The following RNF187 variants were observed in gnomAD, a reference collection of about 807,000 sequenced individuals.
RNF187 encodes ring finger protein 187, also known as E3 ubiquitin-protein ligase RNF187.
A neutral mutation model predicts 22.2 loss-of-function variants in RNF187; 18 were observed. The observed-to-expected ratio is 0.81, with a 90% confidence interval of 0.56 to 1.20. The LOEUF (loss-of-function observed/expected upper bound fraction) is 1.20, where lower values mean the gene tolerates loss of function less well. Ranked by LOEUF, RNF187 falls within the 50% of genes most tolerant of loss-of-function variation. RNF187 has a pLI of 0.00. For synonymous variants in RNF187, 164 were observed against 140.9 expected, an observed-to-expected ratio of 1.16 and a Z score of -1.16; for missense variants, 329 against 317.6, an observed-to-expected ratio of 1.04 and a Z score of -0.27.
In RNF187 at chr1:228,493,922, G is replaced by T; in HGVS notation, c.*37G>T. The T allele has an allele frequency of 1.3e-6, 2 of 1,551,756 alleles. No homozygotes were observed. The highest frequency in any genetic ancestry group is 2.4e-5 in the East Asian group (1 of 40,924). On this transcript the variant is annotated 3_prime_UTR_variant, in exon 4 of 4. Coordinates refer to ENST00000305943, the MANE Select transcript of RNF187 (RefSeq NM_001010858.3). The surrounding 1 kb of genome is among the most constrained non-coding windows in gnomAD (Gnocchi z 4.7). Reference sequence around the variant, plus strand: ...CGTGGCAGTCCCAGAGCTGGAGGCAGGAGGATGGATCCTCATCTCCATGGG... The same window carrying T: ...CGTGGCAGTCCCAGAGCTGGAGGCATGAGGATGGATCCTCATCTCCATGGG...
In RNF187 at chr1:228,493,825, C is replaced by T; in HGVS notation, c.706-58C>T. On this transcript the variant is annotated intron_variant, in intron 3 of 3. Coordinates refer to ENST00000305943, the MANE Select transcript of RNF187 (RefSeq NM_001010858.3). This position sits in a 1 kb window ranked among gnomAD's most constrained non-coding sequence, Gnocchi z 4.7. The stretch of plus-strand genomic sequence containing the variant: ...TCTCTCCTTTTGCCTCTGTCTCTGA[C>T]TCTGTGTGTCTCTTTCTCTTTTTGT... The T allele has an allele frequency of 1.3e-6, 2 of 1,529,106 alleles. No individual in the cohort carries two copies. Among genetic ancestry groups the T allele is most frequent in the East Asian group, 2.5e-5 (1 of 40,778 alleles). 94.7% of individuals were successfully genotyped at this position (1,529,106 alleles called of 1,614,324 possible).
intron 2 of RNF187, among the ~76,000 whole-genome samples, chr1:228,492,620 T>A: frequency 1.7e-5 from 1 of 59,862 alleles, no homozygotes; most frequent in Non-Finnish European, 2.8e-5. Context: ...GTGCCTGGCT[T>A]TTTTTTTTTT....
In RNF187 at chr1:228,494,832, C is replaced by G; in HGVS notation, c.*947C>G. 1.0e-6 allele frequency: 1 copy of G among 985,476 alleles called. No individual in the cohort carries two copies. 61.0% of individuals were successfully genotyped at this position (985,476 alleles called of 1,614,324 possible). A position where few individuals can be genotyped will look rare whatever the true frequency, so the allele number is the denominator to read the frequency against. ...GACAGTTGTTGAGATTTGGGGATAGCCGGGCTTGTGAGCGGTGCCCATTTC... is the reference window on the plus strand; with the variant it reads ...GACAGTTGTTGAGATTTGGGGATAGGCGGGCTTGTGAGCGGTGCCCATTTC... On this transcript the variant is annotated 3_prime_UTR_variant, in exon 4 of 4. Transcript: ENST00000305943.
rs1311906945 is a variant in RNF187, at chr1:228,493,202, C to T, written c.633C>T (p.Phe211=). Residue 211 remains phenylalanine, a synonymous_variant, in exon 3 of 4, where the codon TTC becomes TTT. Transcript: ENST00000305943. This position sits in a 1 kb window ranked among gnomAD's most constrained non-coding sequence, Gnocchi z 4.7. Reference sequence around the variant, plus strand: ...AGCTGGCTGACCCCACTGAGCGGTTCAGGTCACTGCTGCAGGCGGTCTCGG... The same window carrying T: ...AGCTGGCTGACCCCACTGAGCGGTTTAGGTCACTGCTGCAGGCGGTCTCGG... The T allele has an allele frequency of 6.4e-7, 1 of 1,551,674 alleles. No individual in the cohort carries two copies. Among genetic ancestry groups the T allele is most frequent in the African/African-American group, 1.4e-5 (1 of 73,180 alleles).
Position 228,493,356 on chromosome 1 carries a change from G to A in RNF187, c.705+82G>A. On this transcript the variant is annotated intron_variant, in intron 3 of 3. Coordinates refer to ENST00000305943, the MANE Select transcript of RNF187 (RefSeq NM_001010858.3). This position sits in a 1 kb window ranked among gnomAD's most constrained non-coding sequence, Gnocchi z 4.7. ...GCGAGCCATTGGGGGACCATTGCCC[G>A]AAGTCAAGGCTTAAAAGCCCAGCCT... The A allele has an allele frequency of 3.4e-6, 5 of 1,484,292 alleles. No individual in the cohort carries two copies. Among genetic ancestry groups the A allele is most frequent in the East Asian group, 5.0e-5 (2 of 40,190 alleles). The allele number at this position is 1,484,292 out of a possible 1,614,324, so 91.9% of individuals were successfully genotyped here. A position where few individuals can be genotyped will look rare whatever the true frequency, so the allele number is the denominator to read the frequency against.
Position 228,494,754 on chromosome 1 carries a change from C to G in RNF187, c.*869C>G. On this transcript the variant is annotated 3_prime_UTR_variant, in exon 4 of 4. Transcript: ENST00000305943. ...CATCCTTGTGTGTAGATAAATTAGT[C>G]GACAGAAACTCAGCACTGGGGACAG... 2.0e-6 allele frequency: 2 copies of G among 984,946 alleles called. No homozygotes were observed. The highest frequency in any genetic ancestry group is 3.5e-5 in the African/African-American group (2 of 57,050). 61.0% of individuals were successfully genotyped at this position (984,946 alleles called of 1,614,324 possible). A position where few individuals can be genotyped will look rare whatever the true frequency, so the allele number is the denominator to read the frequency against.
In RNF187 at chr1:228,493,063, T is replaced by TGGACC; in HGVS notation, c.496_500dup (p.Arg168ThrfsTer7). 1 of 1,547,854 alleles carries TGGACC rather than the reference T, an allele frequency of 6.5e-7. No homozygotes were observed. Among genetic ancestry groups the TGGACC allele is most frequent in the Non-Finnish European group, 8.7e-7 (1 of 1,144,300 alleles). On this transcript the variant is annotated frameshift_variant, in exon 3 of 4. Transcript: ENST00000305943. LOFTEE classifies it high-confidence loss of function. The surrounding 1 kb of genome is among the most constrained non-coding windows in gnomAD (Gnocchi z 4.7). ...GCCACCCGTTTGCAGGGACACGTGA[T>TGGACC]GGACCGTAGGAAGAAGGCACTGACC...
intron 2 of RNF187, among the ~76,000 whole-genome samples, chr1:228,491,986 C>T: frequency 6.6e-6 from 1 of 152,206 alleles, no homozygotes; most frequent in South Asian, 2.1e-4. Flanking sequence ...ATGGGGAGGG[C>T]GTCTTTCACT....
chr1:228,492,422 A>G, intron 2 of RNF187, among the ~76,000 whole-genome samples: 6 of 151,386 alleles, frequency 4.0e-5, no homozygotes, highest in African/African-American at 1.2e-4. Flanking sequence ...CCCAGGTTCA[A>G]GCGATTCTCC....
At position 228,493,368 on chromosome 1, in the gene RNF187, T is replaced by C; in HGVS notation, c.705+94T>C. 1.4e-6 allele frequency: 2 copies of C among 1,473,196 alleles called. No individual in the cohort carries two copies. The highest frequency in any genetic ancestry group is 5.0e-5 in the East Asian group (2 of 40,130). 91.3% of individuals were successfully genotyped at this position (1,473,196 alleles called of 1,614,324 possible). On this transcript the variant is annotated intron_variant, in intron 3 of 3. Transcript: ENST00000305943. This position sits in a 1 kb window ranked among gnomAD's most constrained non-coding sequence, Gnocchi z 4.7. Reference sequence around the variant, plus strand: ...GGGACCATTGCCCGAAGTCAAGGCTTAAAAGCCCAGCCTGACTCCCACTGC... The same window carrying C: ...GGGACCATTGCCCGAAGTCAAGGCTCAAAAGCCCAGCCTGACTCCCACTGC...
At chr1:228,491,518 G>A in intron 2 of RNF187, among the ~76,000 whole-genome samples, 1 of 150,792 alleles carries the variant, frequency 6.6e-6, no homozygotes, top group Non-Finnish European at 1.5e-5. Flanking sequence ...TTGCCTCACT[G>A]CATCCTCCAC....
chr1:228,495,057 A>G lies in RNF187; in HGVS notation c.*1172A>G. Reference sequence around the variant, plus strand: ...GTGTCAAAGGAAACTTCCTCGTGACACGTGCTAAAGCATGGTGAGGAGGAC... The same window carrying G: ...GTGTCAAAGGAAACTTCCTCGTGACGCGTGCTAAAGCATGGTGAGGAGGAC... On this transcript the variant is annotated 3_prime_UTR_variant, in exon 4 of 4. Coordinates refer to ENST00000305943, the MANE Select transcript of RNF187 (RefSeq NM_001010858.3). The G allele has an allele frequency of 1.0e-6, 1 of 982,738 alleles. No individual in the cohort carries two copies. The highest frequency in any genetic ancestry group is 5.2e-4 in the Middle Eastern group (1 of 1,912). The allele number at this position is 982,738 out of a possible 1,614,324, so 60.9% of individuals were successfully genotyped here.
At position 228,489,063 on chromosome 1, in the gene RNF187, G is replaced by A; in HGVS notation, c.483+11G>A. ...GCTGCAGTGTGGAAGGCAAGTGGGG[G>A]GACCTGGGGCAGCCTGGAATGAGGG... On this transcript the variant is annotated intron_variant, in intron 2 of 3. Transcript: ENST00000305943. The A allele has an allele frequency of 6.5e-7, 1 of 1,543,246 alleles. No individual in the cohort carries two copies. The highest frequency in any genetic ancestry group is 8.7e-7 in the Non-Finnish European group (1 of 1,145,342).
chr1:228,487,946 C>A, intron 1 of RNF187, 68 bp downstream of exon 1: 4 of 960,090 alleles, frequency 4.2e-6, no homozygotes, highest in Non-Finnish European at 5.1e-6. Flanking sequence ...CCGCCCCGGT[C>A]CCCCTGAGCC....
Position 228,495,532 on chromosome 1 carries a change from C to G in RNF187, c.*1647C>G. The G allele has an allele frequency of 1.0e-6, 1 of 985,302 alleles. No individual in the cohort carries two copies. The highest frequency in any genetic ancestry group is 6.1e-5 in the Admixed American group (1 of 16,262). The allele number at this position is 985,302 out of a possible 1,614,324, so 61.0% of individuals were successfully genotyped here. A position where few individuals can be genotyped will look rare whatever the true frequency, so the allele number is the denominator to read the frequency against. On this transcript the variant is annotated 3_prime_UTR_variant, in exon 4 of 4. Coordinates refer to ENST00000305943, the MANE Select transcript of RNF187 (RefSeq NM_001010858.3). ...TCCAGTTTGTCTTTCTCACTGTCTC[C>G]GCCTGCTGCAGTCTGCTGTCATCCC...
At position 228,493,849 on chromosome 1, in the gene RNF187, GTC is replaced by G; in HGVS notation, c.706-28_706-27del. 3.9e-6 allele frequency: 6 copies of G among 1,550,092 alleles called. No homozygotes were observed. The highest frequency in any genetic ancestry group is 3.9e-5 in the Admixed American group (2 of 50,998). The stretch of plus-strand genomic sequence containing the variant: ...ACTCTGTGTGTCTCTTTCTCTTTTT[GTC>G]TCTCTGTCTTTCCCTCTCCCCTCCC... On this transcript the variant is annotated intron_variant, in intron 3 of 3. Transcript: ENST00000305943. The surrounding 1 kb of genome is among the most constrained non-coding windows in gnomAD (Gnocchi z 4.7).
rs1051643760 is a variant in RNF187, at chr1:228,487,863, G to A, written c.375G>A (p.Lys125=). ...CCGAGTGGGAACCGCGCTGGAGGAAGGCGCTGCGCGGCAAGGTGCGCGCCG... is the reference window on the plus strand; with the variant it reads ...CCGAGTGGGAACCGCGCTGGAGGAAAGCGCTGCGCGGCAAGGTGCGCGCCG... Residue 125 remains lysine, a synonymous_variant, in exon 1 of 4, where the codon AAG becomes AAA. Coordinates refer to ENST00000305943, the MANE Select transcript of RNF187 (RefSeq NM_001010858.3). 1.9e-5 allele frequency: 23 copies of A among 1,225,658 alleles called. No individual in the cohort carries two copies. The highest frequency in any genetic ancestry group is 3.3e-4 in the Middle Eastern group (1 of 3,030). 75.9% of individuals were successfully genotyped at this position (1,225,658 alleles called of 1,614,324 possible).
Position 228,491,387 on chromosome 1 carries a change from C to CAAAA in RNF187, c.484-1647_484-1644dup. On this transcript the variant is annotated intron_variant, in intron 2 of 3. Coordinates refer to ENST00000305943, the MANE Select transcript of RNF187 (RefSeq NM_001010858.3). ...TGGGTGACAGAGTGAGGCCCTATCT[C>CAAAA]AAAAAAAAAAAAAAAAAAAAAATAA... Among the ~76,000 whole-genome samples the CAAAA allele has an allele frequency of 3.0e-3, 224 of 75,366 alleles. 5 individuals carry two copies. Among genetic ancestry groups the CAAAA allele is most frequent in the East Asian group, 1.0e-2 (22 of 2,210 alleles). The allele number at this position is 75,366 out of a possible 152,430, so 49.4% of individuals were successfully genotyped here.
intron 2 of RNF187, among the ~76,000 whole-genome samples, chr1:228,492,283 C>T: frequency 2.4e-4 from 37 of 152,000 alleles, no homozygotes; most frequent in Non-Finnish European, 4.9e-4. Context: ...CTCCTGGGCT[C>T]AAGCAATCCT....
Sources: allele counts gnomAD v4.1 joint callset (sites outside exome capture counted in the v4.1 genomes callset), GRCh38; gene constraint gnomAD v4.1.1; non-coding constraint Gnocchi (gnomAD v3.1); transcripts MANE v1.5; gene names NCBI Gene and HGNC (gene_info 2026-07-23, HGNC 2026-07-21).